The following ANKRD1 variants were observed in gnomAD, a reference collection of about 807,000 sequenced individuals.
The protein encoded by ANKRD1 is ankyrin repeat domain-containing protein 1.
ANKRD1 carries 32 observed loss-of-function variants against 40.1 expected under a neutral mutation model. The ratio of observed to expected loss-of-function variants is 0.80; its 90% CI spans 0.60 to 1.07. ANKRD1 has a LOEUF of 1.07. Among genes scored for constraint, ANKRD1 ranks in the 50% least tolerant of loss-of-function variants. ANKRD1 has a pLI of 0.00. For synonymous variants in ANKRD1, 149 were observed against 141.2 expected, an observed-to-expected ratio of 1.06 and a Z score of -0.39; for missense variants, 359 against 386.0, an observed-to-expected ratio of 0.93 and a Z score of 0.59.
rs1405180176 is a variant in ANKRD1 at position 90,912,559 on chromosome 10, A to G, written c.*307T>C. Reference sequence around the variant, plus strand: ...CTTTCACCTGGTTTAAGAACTACCTATGGGTGGGAAGGCTCTGAAAGTGTT... The same window carrying G: ...CTTTCACCTGGTTTAAGAACTACCTGTGGGTGGGAAGGCTCTGAAAGTGTT... On this transcript the variant is annotated 3_prime_UTR_variant, in exon 9 of 9. Coordinates refer to ENST00000371697, the MANE Select transcript of ANKRD1 (RefSeq NM_014391.3). 2 of 354,706 alleles carry G rather than the reference A, an allele frequency of 5.6e-6. No homozygotes were observed. Among genetic ancestry groups the G allele is most frequent in the Admixed American group, 3.9e-5 (1 of 25,720 alleles). The allele number at this position is 354,706 out of a possible 1,614,324, so 22.0% of individuals were successfully genotyped here.
At chr10:90,920,411 AC>A (rs1847424502) in intron 1 of ANKRD1, 63 bp from the exon 2 acceptor site, 2 of 1,592,606 alleles carry the variant, frequency 1.3e-6, no homozygotes, top group East Asian at 4.5e-5. Context: ...TTCTTCACAG[AC>A]AATGCCGCAG....
chr10:90,912,796 T>G lies in ANKRD1; in HGVS notation c.*70A>C. 7.3e-7 allele frequency: 1 copy of G among 1,366,644 alleles called. No individual in the cohort carries two copies. 84.7% of individuals were successfully genotyped at this position (1,366,644 alleles called of 1,614,324 possible). On this transcript the variant is annotated 3_prime_UTR_variant, in exon 9 of 9. Coordinates refer to ENST00000371697, the MANE Select transcript of ANKRD1 (RefSeq NM_014391.3). Reference sequence around the variant, plus strand: ...AATAGAAACTAGATTTTATGGCTAGTGTCTCTTCTCTTGGGCCATGCCTTC... The same window carrying G: ...AATAGAAACTAGATTTTATGGCTAGGGTCTCTTCTCTTGGGCCATGCCTTC...
rs2120265092 is a variant in ANKRD1, at chr10:90,915,771, C to T, written c.750+11G>A. On this transcript the variant is annotated intron_variant, in intron 7 of 8. Coordinates refer to ENST00000371697, the MANE Select transcript of ANKRD1 (RefSeq NM_014391.3). ...AAGCTTTGGGAAACCCGAGCGTGTC[C>T]AGCTACTCACTCTGTCTTTGGCGTT... The T allele has an allele frequency of 6.2e-7, 1 of 1,613,760 alleles. No homozygotes were observed. Among genetic ancestry groups the T allele is most frequent in the Non-Finnish European group, 8.5e-7 (1 of 1,179,952 alleles).
At position 90,913,347 on chromosome 10, in the gene ANKRD1, G is replaced by T. The variant is rs181565479; in HGVS notation, c.850-371C>A. On this transcript the variant is annotated intron_variant, in intron 8 of 8. Coordinates refer to ENST00000371697, the MANE Select transcript of ANKRD1 (RefSeq NM_014391.3). Reference sequence around the variant, plus strand: ...GGTGGGAGCATGCCTCTTGGACCAAGAATCAGTGCCTATCCATTTGAATGA... The same window carrying T: ...GGTGGGAGCATGCCTCTTGGACCAATAATCAGTGCCTATCCATTTGAATGA... 2.6e-5 allele frequency among the ~76,000 whole-genome samples: 4 copies of T among 152,326 alleles called. No homozygotes were observed. In the East Asian group the frequency reaches 7.7e-4, roughly 29 times the overall value.
At chr10:90,918,746 C>T in intron 4 of ANKRD1, 119 bp downstream of exon 4, 1 of 849,502 alleles carries the variant, frequency 1.2e-6, no homozygotes, top group Admixed American at 1.9e-5. Flanking sequence ...TACACAGCAA[C>T]AGCTGGGGAA....
At chr10:90,915,107 A>G (rs1156824949) in intron 8 of ANKRD1, among the ~76,000 whole-genome samples, 3 of 152,202 alleles carry the variant, frequency 2.0e-5, no homozygotes, top group Non-Finnish European at 1.5e-5. Context: ...CAGATTGGAT[A>G]TTGATTAACC....
chr10:90,919,080 G>A, intron 3 of ANKRD1, 51 bp downstream of exon 3: 2 of 1,608,518 alleles, frequency 1.2e-6, no homozygotes, highest in Non-Finnish European at 1.7e-6. Flanking sequence ...TTGCTCCCCT[G>A]TAGCACAACA....
At chr10:90,916,003 G>T in intron 6 of ANKRD1, 123 bp from the exon 7 acceptor site, 1 of 781,704 alleles carries the variant, frequency 1.3e-6, no homozygotes, top group Non-Finnish European at 2.0e-6. Context: ...TGGGCCTCCA[G>T]ATGACTTTAA....
chr10:90,913,561 A>C (rs1046381546), intron 8 of ANKRD1, among the ~76,000 whole-genome samples: 24 of 152,206 alleles, frequency 1.6e-4, no homozygotes, highest in African/African-American at 5.5e-4. Context: ...CATGTGAACA[A>C]ATAATTTTTG....
chr10:90,916,337 T>G lies in ANKRD1; in HGVS notation c.553-68A>C. 5.1e-6 allele frequency: 6 copies of G among 1,171,618 alleles called. No homozygotes were observed. The South Asian group carries it at 7.4e-5, about 14-fold the overall frequency. 72.6% of individuals were successfully genotyped at this position (1,171,618 alleles called of 1,614,324 possible). On this transcript the variant is annotated intron_variant, in intron 5 of 8. Coordinates refer to ENST00000371697, the MANE Select transcript of ANKRD1 (RefSeq NM_014391.3). ...GTCTGGGGAATTAGAACCTGGTTGC[T>G]AGGGCATCCGTGAAAATAATGAGTT...
intron 5 of ANKRD1, among the ~76,000 whole-genome samples, chr10:90,916,549 G>A (rs1847376337): frequency 6.6e-6 from 1 of 152,142 alleles, no homozygotes; most frequent in South Asian, 2.1e-4. Flanking sequence ...CCAACATGGT[G>A]CTACACTTTA....
intron 2 of ANKRD1, among the ~76,000 whole-genome samples, chr10:90,919,566 A>G (rs561929058): frequency 6.6e-6 from 1 of 152,214 alleles, no homozygotes; most frequent in Non-Finnish European, 1.5e-5. Flanking sequence ...AATTAATGCC[A>G]TAAGCAAGTC....
At chr10:90,919,924 G>A (rs1200831947) in intron 2 of ANKRD1, among the ~76,000 whole-genome samples, 1 of 152,238 alleles carries the variant, frequency 6.6e-6, no homozygotes, top group African/African-American at 2.4e-5. Flanking sequence ...CACTGGACAT[G>A]TGTATCTTTC....
chr10:90,912,607 A>G lies in ANKRD1; in HGVS notation c.*259T>C. The G allele has an allele frequency of 2.4e-6, 1 of 416,488 alleles. No individual in the cohort carries two copies. The highest frequency in any genetic ancestry group is 2.1e-5 in the South Asian group (1 of 46,854). The allele number at this position is 416,488 out of a possible 1,614,324, so 25.8% of individuals were successfully genotyped here. A position where few individuals can be genotyped will look rare whatever the true frequency, so the allele number is the denominator to read the frequency against. On this transcript the variant is annotated 3_prime_UTR_variant, in exon 9 of 9. Transcript: ENST00000371697. Reference sequence around the variant, plus strand: ...GTTATATACAAATGAAGCTCTGCTCACCAGATGGATGATCATGAAGGTCTG... The same window carrying G: ...GTTATATACAAATGAAGCTCTGCTCGCCAGATGGATGATCATGAAGGTCTG...
intron 8 of ANKRD1, 131 bp from the exon 9 acceptor site, chr10:90,913,107 T>C: frequency 1.2e-6 from 1 of 856,036 alleles, no homozygotes; most frequent in Non-Finnish European, 1.9e-6. Flanking sequence ...CCACCAGGAG[T>C]GATCTGCAGT....
intron 8 of ANKRD1, among the ~76,000 whole-genome samples, chr10:90,914,238 G>T (rs768208046): frequency 1.2e-4 from 18 of 152,088 alleles, no homozygotes; most frequent in Admixed American, 4.6e-4. Context: ...TTGGGTCAAT[G>T]ACATTAATAG....
Position 90,912,826 on chromosome 10 carries a change from T to C in ANKRD1, c.*40A>G. 1.3e-6 allele frequency: 2 copies of C among 1,572,638 alleles called. No individual in the cohort carries two copies. On this transcript the variant is annotated 3_prime_UTR_variant, in exon 9 of 9. Coordinates refer to ENST00000371697, the MANE Select transcript of ANKRD1 (RefSeq NM_014391.3). ...CTTCTCTTGGGCCATGCCTTCAAAA[T>C]GCCAGTGAACATTTACTGATTAAGA...
intron 2 of ANKRD1, among the ~76,000 whole-genome samples, chr10:90,919,771 G>A (rs1847414863): frequency 6.6e-6 from 1 of 152,112 alleles, no homozygotes; most frequent in African/African-American, 2.4e-5. Context: ...TAGTAATTAA[G>A]GAAAATTCAC....
In ANKRD1 at chr10:90,916,430, A is replaced by ATG. The variant is rs112074175; in HGVS notation, c.553-163_553-162dup. On this transcript the variant is annotated intron_variant, in intron 5 of 8. Transcript: ENST00000371697. ...TTACCAAATGTGTTAGCTAAATTAC[A>ATG]TGTGTGTGTGTGTGTGTGTGCATAT... 4.4e-3 allele frequency among the ~76,000 whole-genome samples: 660 copies of ATG among 149,988 alleles called. 5 individuals are homozygous for ATG. The highest frequency in any genetic ancestry group is 0.011 in the African/African-American group (434 of 40,962).
Sources: allele counts gnomAD v4.1 joint callset (sites outside exome capture counted in the v4.1 genomes callset), GRCh38; gene constraint gnomAD v4.1.1; transcripts MANE v1.5; gene names NCBI Gene and HGNC (gene_info 2026-07-23, HGNC 2026-07-21).